Variants in CACNA1A observed in about 807,000 individuals in gnomAD.
CACNA1A encodes voltage-dependent P/Q-type calcium channel subunit alpha-1A.
A neutral mutation model predicts 262.4 loss-of-function variants in CACNA1A; 57 were observed. The observed-to-expected ratio is 0.22, with a 90% CI of 0.18 to 0.27. The LOEUF (loss-of-function observed/expected upper bound fraction) is 0.27, where lower values mean the gene tolerates loss of function less well. CACNA1A is among the 10% of genes least tolerant of loss of function. The pLI is 1.00. For missense variants in CACNA1A, 2,526 were observed against 3,562.8 expected (o/e 0.71, Z 7.41); for synonymous variants, 1,431 against 1,419.3 (o/e 1.01, Z -0.18).
intron 1 of CACNA1A, among the ~76,000 whole-genome samples, chr19:13,461,757 C>G (rs1036332070): frequency 6.6e-6 from 1 of 152,106 alleles, no homozygotes; most frequent in Admixed American, 6.6e-5. Context: ...CTGATTGGCT[C>G]GGAGAGAAAG....
intron 30 of CACNA1A, among the ~76,000 whole-genome samples, chr19:13,249,643 C>G (rs1182629735): frequency 5.3e-5 from 8 of 152,182 alleles, no homozygotes. Context: ...GTGTCAGCCA[C>G]CGTGCCTGGC....
rs150028912 is a variant in CACNA1A at position 13,247,476 on chromosome 19, G to A, written c.4867-2211C>T. Among the ~76,000 whole-genome samples, 991 of 152,170 alleles carry A rather than the reference G, an allele frequency of 6.5e-3. 11 individuals carry two copies. Among genetic ancestry groups the A allele is most frequent in the African/African-American group, 0.023 (961 of 41,502 alleles). On this transcript the variant is annotated intron_variant, in intron 30 of 46. Transcript: ENST00000360228. ...TGGGAGGCCGATGTGGGCGGATCAC[G>A]AGGTCAGGAGATCAAGACCATCCTG...
chr19:13,283,502 C>G (rs979252828), intron 21 of CACNA1A, 106 bp from the exon 22 acceptor site: 3 of 1,419,854 alleles, frequency 2.1e-6, no homozygotes, highest in South Asian at 1.3e-5. Flanking sequence ...TCTCCAACCC[C>G]CAAGGCCTCC....
chr19:13,347,365 C>T (rs1600391476), intron 6 of CACNA1A, among the ~76,000 whole-genome samples: 1 of 151,988 alleles, frequency 6.6e-6, no homozygotes, highest in East Asian at 1.9e-4. Context: ...GGTGCCCGGC[C>T]ATTCGGGGTG....
At chr19:13,433,557 T>C (rs2060559111) in intron 3 of CACNA1A, among the ~76,000 whole-genome samples, 1 of 150,342 alleles carries the variant, frequency 6.7e-6, no homozygotes, top group Non-Finnish European at 1.5e-5. Context: ...AGGGCCTGCA[T>C]TGTGGGGAAG....
chr19:13,376,850 A>T (rs914353646), intron 3 of CACNA1A, among the ~76,000 whole-genome samples: 32 of 139,854 alleles, frequency 2.3e-4, no homozygotes, highest in Admixed American at 2.0e-3. Context: ...GTGATATATA[A>T]CACATATGTT....
At chr19:13,468,650 G>C (rs188593631) in intron 1 of CACNA1A, among the ~76,000 whole-genome samples, 72 of 152,262 alleles carry the variant, frequency 4.7e-4, no homozygotes, top group Non-Finnish European at 3.4e-4. Context: ...AGCTGGGCAT[G>C]GTGGTGCGTG....
intron 4 of CACNA1A, among the ~76,000 whole-genome samples, chr19:13,367,659 T>C (rs56703883): frequency 0.049 from 7,469 of 151,266 alleles, 476 homozygotes; most frequent in African/African-American, 0.14. Flanking sequence ...ACCCGGGAGG[T>C]GGAGCTTGCA....
chr19:13,434,525 T>C (rs1275272741), intron 3 of CACNA1A, among the ~76,000 whole-genome samples: 1 of 152,176 alleles, frequency 6.6e-6, no homozygotes, highest in Non-Finnish European at 1.5e-5. Context: ...TCCGCCTTGG[T>C]GCTATTCTCG....
intron 37 of CACNA1A, 166 bp from the exon 38 acceptor site, chr19:13,224,938 G>C (rs1251947409): frequency 7.1e-6 from 4 of 561,664 alleles, no homozygotes; most frequent in African/African-American, 5.7e-5. Context: ...GTTTCTCTTG[G>C]TGGCCCGCAG....
intron 9 of CACNA1A, 73 bp downstream of exon 9, chr19:13,332,796 T>G (rs1467065280): frequency 1.1e-6 from 1 of 950,090 alleles, no homozygotes; most frequent in East Asian, 2.5e-5. Context: ...TCACCTGCTC[T>G]CCCCCGACTC....
Position 13,207,688 on chromosome 19 carries a change from GGCCCTGGGGGACTC to G in CACNA1A, c.7132_7145del (p.Glu2378LeufsTer120). The G allele has an allele frequency of 7.2e-7, 1 of 1,392,466 alleles. No individual in the cohort carries two copies. The allele number at this position is 1,392,466 out of a possible 1,614,324, so 86.3% of individuals were successfully genotyped here. ...GCCACCGGGCCCCGCCGTGTCGACA[GGCCCTGGGGGACTC>G]GCTCCGGGCCGGGCCTGGGACCCGC... On this transcript the variant is annotated frameshift_variant, in exon 47 of 47. Transcript: ENST00000360228. LOFTEE classifies it low-confidence loss of function (END_TRUNC). The surrounding 1 kb of genome is among the most constrained non-coding windows in gnomAD (Gnocchi z 5.7).
chr19:13,498,247 T>C (rs904415579), intron 1 of CACNA1A, among the ~76,000 whole-genome samples: 5 of 152,084 alleles, frequency 3.3e-5, no homozygotes, highest in South Asian at 4.2e-4. Flanking sequence ...CAGAGTCTCA[T>C]TGAAGACAAA....
chr19:13,434,508 G>A (rs959078034), intron 3 of CACNA1A, among the ~76,000 whole-genome samples: 2 of 152,156 alleles, frequency 1.3e-5, no homozygotes, highest in Non-Finnish European at 2.9e-5. Context: ...GATCATGGGG[G>A]CAGATTTCCG....
chr19:13,374,149 T>C (rs2059368394), intron 3 of CACNA1A, among the ~76,000 whole-genome samples: 1 of 152,078 alleles, frequency 6.6e-6, no homozygotes, highest in South Asian at 2.1e-4. Flanking sequence ...AGAAATGACA[T>C]GGTGTCACCA....
intron 4 of CACNA1A, among the ~76,000 whole-genome samples, chr19:13,370,551 A>T (rs1480953977): frequency 6.6e-6 from 1 of 150,922 alleles, no homozygotes; most frequent in Non-Finnish European, 1.5e-5. Flanking sequence ...TCAGCCTTTT[A>T]AGTAGCTGGG....
Position 13,386,870 on chromosome 19 carries a change from G to A in CACNA1A, c.540-15091C>T, listed in dbSNP as rs373330762. On this transcript the variant is annotated intron_variant, in intron 3 of 46. Coordinates refer to ENST00000360228, the MANE Select transcript of CACNA1A (RefSeq NM_001127222.2). Reference sequence around the variant, plus strand: ...TGTTAAAAAAAGTCCTTACAGTGACGATGTTAGAGTGGAAAGATGGAAGGA... The same window carrying A: ...TGTTAAAAAAAGTCCTTACAGTGACAATGTTAGAGTGGAAAGATGGAAGGA... Among the ~76,000 whole-genome samples the A allele has an allele frequency of 1.2e-4, 18 of 152,262 alleles. No homozygotes were observed. In the East Asian group the frequency reaches 2.9e-3, roughly 25 times the overall value.
intron 27 of CACNA1A, chr19:13,258,480 C>CA (rs2056631866): frequency 6.6e-6 from 1 of 152,172 alleles, no homozygotes; most frequent in Non-Finnish European, 1.5e-5. Context: ...AATTTTTTGG[C>CA]AGGTGGTCCT....
Position 13,234,077 on chromosome 19 carries a change from C to T in CACNA1A, c.5249+844G>A, listed in dbSNP as rs190643964. Among the ~76,000 whole-genome samples, 719 of 137,510 alleles carry T rather than the reference C, an allele frequency of 5.2e-3. 2 individuals carry two copies. The highest frequency in any genetic ancestry group is 0.014 in the Middle Eastern group (3 of 210). 90.2% of individuals were successfully genotyped at this position (137,510 alleles called of 152,430 possible). A position where few individuals can be genotyped will look rare whatever the true frequency, so the allele number is the denominator to read the frequency against. On this transcript the variant is annotated intron_variant, in intron 34 of 46. Coordinates refer to ENST00000360228, the MANE Select transcript of CACNA1A (RefSeq NM_001127222.2). ...AAAAAAAAAAAAAAAGGGCTGGGCA[C>T]GGTGGCTCACGCCTGTAATCCCAGC... is the stretch of plus-strand genomic sequence containing the variant.
Sources: gnomAD v4.1 joint callset for allele counts (sites outside exome capture counted in the v4.1 genomes callset) on GRCh38, gnomAD v4.1.1 for gene constraint, Gnocchi (gnomAD v3.1) non-coding constraint, MANE v1.5 for transcripts, NCBI Gene and HGNC (gene_info 2026-07-23, HGNC 2026-07-21) for gene names.